The following BAALC variants were observed in gnomAD, a reference collection of about 807,000 sequenced individuals.
The protein encoded by BAALC is brain and acute leukemia cytoplasmic protein.
Under a neutral mutation model 15.5 loss-of-function variants are expected in BAALC, and 9 were observed. The ratio of observed to expected loss-of-function variants is 0.58; its 90% confidence interval spans 0.35 to 1.02. The LOEUF is 1.02. Among genes scored for constraint, BAALC ranks in the 50% least tolerant of loss-of-function variants. The pLI, the probability that BAALC is intolerant of heterozygous loss-of-function variation, is 0.02. For missense variants in BAALC, 201 were observed against 192.4 expected (o/e 1.04, Z -0.27); for synonymous variants, 80 against 74.6 (o/e 1.07, Z -0.37).
intron 1 of BAALC, among the ~76,000 whole-genome samples, chr8:103,177,029 C>T (rs1384182772): frequency 6.6e-6 from 1 of 152,118 alleles, no homozygotes; most frequent in Non-Finnish European, 1.5e-5. Context: ...TGCTTGTGCT[C>T]ATTTTATGAA....
intron 1 of BAALC, among the ~76,000 whole-genome samples, chr8:103,144,876 C>A (rs1224762882): frequency 6.6e-6 from 1 of 152,138 alleles, no homozygotes; most frequent in South Asian, 2.1e-4. Context: ...CTTACTGGGG[C>A]CTGGTGCTTT....
chr8:103,205,094 G>T (rs567568921), intron 1 of BAALC, among the ~76,000 whole-genome samples: 2 of 152,240 alleles, frequency 1.3e-5, no homozygotes, highest in Admixed American at 1.3e-4. Flanking sequence ...TGACTTGCAG[G>T]TTGTTTCTGA....
chr8:103,209,800 G>T (rs1325804090), intron 1 of BAALC, among the ~76,000 whole-genome samples: 1 of 152,186 alleles, frequency 6.6e-6, no homozygotes, highest in African/African-American at 2.4e-5. Flanking sequence ...TCTGCCTTTG[G>T]ATGTTCTGGC....
intron 1 of BAALC, among the ~76,000 whole-genome samples, chr8:103,171,014 C>G (rs984518533): frequency 7.2e-5 from 11 of 151,978 alleles, no homozygotes; most frequent in Non-Finnish European, 1.3e-4. Flanking sequence ...ATCTGGCTAA[C>G]TTTTAAAATG....
chr8:103,195,568 A>ACTCATCCTC (rs1812075419), intron 1 of BAALC, among the ~76,000 whole-genome samples: 4 of 152,136 alleles, frequency 2.6e-5, no homozygotes, highest in African/African-American at 7.2e-5. Context: ...GGGAGGGATG[A>ACTCATCCTC]GTGGCTGGCA....
chr8:103,230,034 G>A lies in BAALC; in HGVS notation c.*1935G>A, dbSNP rs1812893653. 1 of 152,030 alleles carries A rather than the reference G, an allele frequency of 6.6e-6. No homozygotes were observed. The highest frequency in any genetic ancestry group is 1.5e-5 in the Non-Finnish European group (1 of 68,010). 9.4% of individuals were successfully genotyped at this position (152,030 alleles called of 1,614,324 possible). A position where few individuals can be genotyped will look rare whatever the true frequency, so the allele number is the denominator to read the frequency against. On this transcript the variant is annotated 3_prime_UTR_variant, in exon 3 of 3. Coordinates refer to ENST00000309982, the MANE Select transcript of BAALC (RefSeq NM_024812.3). ...ATCAGTTCACTGCTGCATGTTGTTT[G>A]GAATTTATCACCTTAAGAAAGTGTC...
At chr8:103,181,279 G>T (rs995759682) in intron 1 of BAALC, among the ~76,000 whole-genome samples, 9 of 151,976 alleles carry the variant, frequency 5.9e-5, no homozygotes, top group African/African-American at 2.2e-4. Flanking sequence ...TATCTTTTTT[G>T]TTGTTGTTTT....
intron 1 of BAALC, among the ~76,000 whole-genome samples, chr8:103,205,507 C>T (rs1008078522): frequency 8.6e-5 from 13 of 152,040 alleles, no homozygotes; most frequent in African/African-American, 2.9e-4. Flanking sequence ...AAAACTAACA[C>T]GAGTGTTGAT....
chr8:103,145,197 A>C (rs910677282), intron 1 of BAALC, among the ~76,000 whole-genome samples: 3 of 152,228 alleles, frequency 2.0e-5, no homozygotes, highest in Non-Finnish European at 2.9e-5. Context: ...TAAGGATGGA[A>C]TATCTTTTCC....
At chr8:103,200,438 A>C (rs1812188177) in intron 1 of BAALC, among the ~76,000 whole-genome samples, 1 of 152,224 alleles carries the variant, frequency 6.6e-6, no homozygotes, top group African/African-American at 2.4e-5. Context: ...AAATAGCCTA[A>C]TGAAAAGGCT....
intron 1 of BAALC, among the ~76,000 whole-genome samples, chr8:103,169,739 C>T (rs1046554632): frequency 6.6e-6 from 1 of 152,182 alleles, no homozygotes; most frequent in Non-Finnish European, 1.5e-5. Flanking sequence ...ATAGCCCCGA[C>T]CTCAATTGTT....
chr8:103,141,356 A>G lies in BAALC; in HGVS notation c.160+299A>G, dbSNP rs536754270. 6 of 336,160 alleles carry G rather than the reference A, an allele frequency of 1.8e-5. No individual in the cohort carries two copies. The East Asian group carries it at 2.5e-4, about 14-fold the overall frequency. 20.8% of individuals were successfully genotyped at this position (336,160 alleles called of 1,614,324 possible). On this transcript the variant is annotated intron_variant, in intron 1 of 2. Transcript: ENST00000309982. The stretch of plus-strand genomic sequence containing the variant: ...AGACCGGTGGGTGGGAGGACAGCCC[A>G]CCTCCTCCGCACACATATCCCTCAG...
At chr8:103,218,234 AG>A (rs1438495201) in intron 2 of BAALC, among the ~76,000 whole-genome samples, 1 of 152,126 alleles carries the variant, frequency 6.6e-6, no homozygotes, top group Admixed American at 6.5e-5. Flanking sequence ...TGGTGTTAAT[AG>A]GTGTTAACTG....
intron 2 of BAALC, among the ~76,000 whole-genome samples, chr8:103,226,041 T>C (rs1812801162): frequency 6.6e-6 from 1 of 152,214 alleles, no homozygotes; most frequent in African/African-American, 2.4e-5. Flanking sequence ...GCCATGTTGT[T>C]TGAAAAATGT....
chr8:103,204,089 G>C (rs1300046583), intron 1 of BAALC, among the ~76,000 whole-genome samples: 5 of 152,242 alleles, frequency 3.3e-5, no homozygotes, highest in East Asian at 1.9e-4. Flanking sequence ...CACTTATTCT[G>C]TATCTTTTTT....
Position 103,229,822 on chromosome 8 carries a change from C to A in BAALC, c.*1723C>A, listed in dbSNP as rs1812887657. On this transcript the variant is annotated 3_prime_UTR_variant, in exon 3 of 3. Coordinates refer to ENST00000309982, the MANE Select transcript of BAALC (RefSeq NM_024812.3). ...TTCTTTGAGAAAGGGCTTTTAGGAA[C>A]TTTATGTTCTAAAAAATGTTTTTAA... The A allele has an allele frequency of 6.6e-6, 1 of 152,148 alleles. No homozygotes were observed. The highest frequency in any genetic ancestry group is 2.1e-4 in the South Asian group (1 of 4,826). The allele number at this position is 152,148 out of a possible 1,614,324, so 9.4% of individuals were successfully genotyped here.
At chr8:103,172,391 C>CTT (rs36037103) in intron 1 of BAALC, among the ~76,000 whole-genome samples, 1,341 of 99,920 alleles carry the variant, frequency 0.013, 3 homozygotes, top group Non-Finnish European at 0.015. Context: ...TTCTGGCTTG[C>CTT]TTTTTTTTTT....
intron 1 of BAALC, among the ~76,000 whole-genome samples, chr8:103,198,749 C>CAA (rs80162049): frequency 2.0e-4 from 28 of 138,186 alleles, no homozygotes; most frequent in African/African-American, 5.3e-4. Context: ...ATTAAAAATA[C>CAA]AAAAAAAAAA....
chr8:103,223,628 C>T (rs909991797), intron 2 of BAALC, among the ~76,000 whole-genome samples: 3 of 143,368 alleles, frequency 2.1e-5, no homozygotes, highest in African/African-American at 7.6e-5. Context: ...ATTGGGATTA[C>T]AATTATATAT....
Sources: gnomAD v4.1 joint callset for allele counts (sites outside exome capture counted in the v4.1 genomes callset) on GRCh38, gnomAD v4.1.1 for gene constraint, MANE v1.5 for transcripts, NCBI Gene and HGNC (gene_info 2026-07-23, HGNC 2026-07-21) for gene names.